CTNND1: variants seen among roughly 807,000 people sequenced by gnomAD.
CTNND1 encodes catenin delta 1, also known as catenin delta-1.
In CTNND1, 16 loss-of-function variants were observed where a neutral mutation model predicts 112.1. The observed-to-expected ratio is 0.14, with a 90% CI of 0.10 to 0.22. The LOEUF is 0.22. Ranked by LOEUF, CTNND1 falls within the 10% of genes least tolerant of loss-of-function variation. The pLI is 1.00. For missense variants in CTNND1, 1,008 were observed against 1,257.0 expected (o/e 0.80, Z 3.00); for synonymous variants, 420 against 446.5 (o/e 0.94, Z 0.75).
Position 57,804,781 on chromosome 11 carries a change from G to A in CTNND1, c.1722+1G>A. 6.2e-7 allele frequency: 1 copy of A among 1,603,984 alleles called. No individual in the cohort carries two copies. Among genetic ancestry groups the A allele is most frequent in the African/African-American group, 1.3e-5 (1 of 74,844 alleles). On this transcript the variant is annotated splice_donor_variant, in intron 9 of 20. Transcript: ENST00000399050. LOFTEE classifies it high-confidence loss of function. ...TGGGCAGAAGGATTCAGACAGCAAG[G>A]TAAGTGCTGTCTTACCTTTAATGGC...
At chr11:57,803,138 C>T (rs1016940386) in intron 7 of CTNND1, among the ~76,000 whole-genome samples, 14 of 152,120 alleles carry the variant, frequency 9.2e-5, no homozygotes, top group Admixed American at 5.9e-4. Flanking sequence ...GATGGAGTCT[C>T]GCTCTGTCAC....
intron 1 of CTNND1, among the ~76,000 whole-genome samples, chr11:57,772,467 G>GAATT (rs1952933467): frequency 6.6e-6 from 1 of 152,116 alleles, no homozygotes; most frequent in Non-Finnish European, 1.5e-5. Context: ...TGATTGTTGA[G>GAATT]AATTCATGGC....
chr11:57,781,921 T>TTA (rs1435964402), intron 1 of CTNND1, among the ~76,000 whole-genome samples: 1 of 152,176 alleles, frequency 6.6e-6, no homozygotes, highest in African/African-American at 2.4e-5. Flanking sequence ...CTAAGCCATT[T>TTA]TAGTATGTTA....
At chr11:57,808,569 C>T (rs138230782) in intron 14 of CTNND1, 29 bp downstream of exon 14, 558 of 1,550,404 alleles carry the variant, frequency 3.6e-4, no homozygotes, top group Non-Finnish European at 4.6e-4. Flanking sequence ...ACTGTTACCT[C>T]AAAATTTAGT....
chr11:57,777,617 A>G (rs1442616601), intron 1 of CTNND1, among the ~76,000 whole-genome samples: 5 of 152,188 alleles, frequency 3.3e-5, no homozygotes, highest in Non-Finnish European at 5.9e-5. Flanking sequence ...GTTCCTTTGT[A>G]TCATGTGCTG....
At chr11:57,766,499 G>C (rs1951110831) in intron 1 of CTNND1, among the ~76,000 whole-genome samples, 3 of 152,180 alleles carry the variant, frequency 2.0e-5, no homozygotes, top group Admixed American at 6.5e-5. Context: ...TGAACTGTAG[G>C]TAATAAGGAT....
chr11:57,795,685 G>A lies in CTNND1; in HGVS notation c.376G>A (p.Val126Met). 1 of 1,609,240 alleles carries A rather than the reference G, an allele frequency of 6.2e-7. No individual in the cohort carries two copies. Among genetic ancestry groups the A allele is most frequent in the Non-Finnish European group, 8.5e-7 (1 of 1,177,876 alleles). ...DPEGAMSVVS[V>M]ETSDDGTTRR... ...TGAGGGAGCCATGTCTGTAGTCTCT[G>A]TGGAGACCTCAGATGATGGGACCAC... The change falls in exon 5 of 21, where the codon GTG (valine) becomes ATG (methionine). Residue 126 changes from valine (V) to methionine (M), a missense_variant. Physicochemically the swap from Val to Met is conservative, Grantham distance 21. Transcript: ENST00000399050.
Position 57,785,789 on chromosome 11 carries a change from C to T in CTNND1, c.-213-3248C>T, listed in dbSNP as rs375619584. 2.3e-4 allele frequency among the ~76,000 whole-genome samples: 35 copies of T among 151,904 alleles called. 1 individual carries two copies. In the East Asian group the frequency reaches 6.4e-3, roughly 28 times the overall value. ...GTCTCAAACCCCTGACCTTGTGATC[C>T]GCTCACCTCGGCCTCCCAAAGTGCT... On this transcript the variant is annotated intron_variant, in intron 1 of 20. Transcript: ENST00000399050.
At chr11:57,779,247 G>A (rs1208017330) in intron 1 of CTNND1, among the ~76,000 whole-genome samples, 3 of 152,092 alleles carry the variant, frequency 2.0e-5, no homozygotes, top group Non-Finnish European at 2.9e-5. Context: ...AAACCTACCC[G>A]CTTAGTATTA....
At chr11:57,810,314 A>G in intron 16 of CTNND1, 91 bp downstream of exon 16, 2 of 939,672 alleles carry the variant, frequency 2.1e-6, no homozygotes, top group South Asian at 1.8e-5. Flanking sequence ...CCATTTCACC[A>G]TCATGCTAAA....
At chr11:57,794,895 A>AC (rs1362309704) in intron 4 of CTNND1, among the ~76,000 whole-genome samples, 1 of 151,864 alleles carries the variant, frequency 6.6e-6, no homozygotes, top group Middle Eastern at 3.2e-3. Context: ...AAAAAAAAAA[A>AC]AAAACAAAGT....
chr11:57,796,857 G>A lies in CTNND1; in HGVS notation c.821G>A (p.Arg274His), dbSNP rs762340314. The A allele has an allele frequency of 1.7e-5, 27 of 1,611,548 alleles. No individual in the cohort carries two copies. The highest frequency in any genetic ancestry group is 1.2e-4 in the South Asian group (11 of 90,810). The change falls in exon 6 of 21, where the codon CGC becomes CAC. Residue 274 changes from arginine (R) to histidine (H), a missense_variant. Arg to His is a conservative substitution (Grantham distance 29, BLOSUM62 0). Around this residue, in one of 5 missense-constraint regions of CTNND1, gnomAD observed 404 missense variants for 457.9 expected, o/e 0.88. Transcript: ENST00000399050. ...GGTGGGAGCAGCGTGGATCTGCATC[G>A]CTTTCATCCAGAGCCTTATGGGCTA... ...RVGGSSVDLH[R>H]FHPEPYGLED...
At chr11:57,803,580 C>T in intron 7 of CTNND1, 41 bp from the exon 8 acceptor site, 1 of 1,514,810 alleles carries the variant, frequency 6.6e-7, no homozygotes, top group Non-Finnish European at 9.0e-7. Flanking sequence ...GACATATTGT[C>T]TTGAATGCTC....
rs946039502 is a variant in CTNND1 at position 57,818,766 on chromosome 11, A to G, written c.*2458A>G. 1 of 152,230 alleles carries G rather than the reference A, an allele frequency of 6.6e-6. No homozygotes were observed. The highest frequency in any genetic ancestry group is 2.4e-5 in the African/African-American group (1 of 41,476). 9.4% of individuals were successfully genotyped at this position (152,230 alleles called of 1,614,324 possible). ...TTAATTACTGGAATTCTTCTGCAACATTTGACAAAACTAACCTTGAATAAG... is the reference window on the plus strand; with the variant it reads ...TTAATTACTGGAATTCTTCTGCAACGTTTGACAAAACTAACCTTGAATAAG... On this transcript the variant is annotated 3_prime_UTR_variant, in exon 21 of 21. Coordinates refer to ENST00000399050, the MANE Select transcript of CTNND1 (RefSeq NM_001085458.2).
At position 57,796,439 on chromosome 11, in the gene CTNND1, C is replaced by T. The variant is rs1459618616; in HGVS notation, c.421-18C>T. On this transcript the variant is annotated intron_variant, in intron 5 of 20. Coordinates refer to ENST00000399050, the MANE Select transcript of CTNND1 (RefSeq NM_001085458.2). ...ACTTCCTTAATTAGTTTTTCTTTTT[C>T]TTGTTTCCTACTTGCAGGTCAAGAA... 3.6e-5 allele frequency: 55 copies of T among 1,543,650 alleles called. No homozygotes were observed. The highest frequency in any genetic ancestry group is 1.3e-4 in the African/African-American group (9 of 71,686).
intron 6 of CTNND1, 84 bp downstream of exon 6, chr11:57,797,076 T>C (rs1357965955): frequency 1.6e-6 from 2 of 1,256,106 alleles, no homozygotes; most frequent in South Asian, 2.6e-5. Flanking sequence ...TAGGGGCTTT[T>C]TGGGATCAGA....
At chr11:57,807,633 A>G (rs1474236728) in intron 12 of CTNND1, among the ~76,000 whole-genome samples, 1 of 147,956 alleles carries the variant, frequency 6.8e-6, no homozygotes, top group East Asian at 1.9e-4. Context: ...AAAAAAAAAG[A>G]AAAGATACTT....
In CTNND1 at chr11:57,791,457, G is replaced by A. The variant is rs1360135793; in HGVS notation, c.-22G>A. 2.8e-6 allele frequency: 4 copies of A among 1,429,624 alleles called. No homozygotes were observed. Among genetic ancestry groups the A allele is most frequent in the Admixed American group, 3.0e-5 (1 of 33,622 alleles). The allele number at this position is 1,429,624 out of a possible 1,614,324, so 88.6% of individuals were successfully genotyped here. On this transcript the variant is annotated 5_prime_UTR_variant, in exon 3 of 21. Coordinates refer to ENST00000399050, the MANE Select transcript of CTNND1 (RefSeq NM_001085458.2). ...CACCTTCCTTTTTACCCTGCCCTGC[G>A]GCGGCTCCGCCCCTTACCTTCATGG...
At chr11:57,791,841 TTGC>T (rs960635442) in intron 3 of CTNND1, among the ~76,000 whole-genome samples, 168 bp downstream of exon 3, 3 of 152,200 alleles carry the variant, frequency 2.0e-5, no homozygotes, top group African/African-American at 7.2e-5. Context: ...ACAAGGAATA[TTGC>T]TGCTGGACTG....
Sources: allele counts gnomAD v4.1 joint callset (sites outside exome capture counted in the v4.1 genomes callset), GRCh38; gene constraint gnomAD v4.1.1; regional missense constraint gnomAD v4.1.1; transcripts MANE v1.5; gene names NCBI Gene and HGNC (gene_info 2026-07-23, HGNC 2026-07-21).